The following MYO10 variants were observed in gnomAD, a reference collection of about 807,000 sequenced individuals.
MYO10 encodes unconventional myosin-X.
In MYO10, 133 loss-of-function variants were observed where a neutral mutation model predicts 257.3. That is an observed-to-expected ratio of 0.52 (90% CI 0.45 to 0.60). MYO10 has a LOEUF of 0.60. MYO10 is among the 20% of genes least tolerant of loss of function. The probability of loss-of-function intolerance (pLI) is 0.00; values close to 1 mark genes in which losing one functional copy is unlikely to be tolerated. For synonymous variants in MYO10, 1,104 were observed against 1,028.6 expected (o/e 1.07, Z -1.40); for missense variants, 2,399 against 2,635.7 (o/e 0.91, Z 1.97).
At chr5:16,853,852 C>G (rs1442432383) in intron 2 of MYO10, 1 of 152,342 alleles carries the variant, frequency 6.6e-6, no homozygotes, top group South Asian at 2.1e-4. Flanking sequence ...CTCCTCCTGG[C>G]TACAGAACCC....
intron 1 of MYO10, among the ~76,000 whole-genome samples, chr5:16,893,459 C>T (rs1745126836): frequency 6.6e-6 from 1 of 151,758 alleles, no homozygotes; most frequent in Non-Finnish European, 1.5e-5. Context: ...CATGGCAAGA[C>T]TCCATCTCTA....
At chr5:16,677,986 C>G (rs1441465639) in intron 33 of MYO10, among the ~76,000 whole-genome samples, 1 of 151,966 alleles carries the variant, frequency 6.6e-6, no homozygotes, top group Non-Finnish European at 1.5e-5. Context: ...GTCTCAAACT[C>G]CTGACCTCAG....
At chr5:16,756,554 C>T (rs1383624384) in intron 18 of MYO10, among the ~76,000 whole-genome samples, 1 of 152,112 alleles carries the variant, frequency 6.6e-6, no homozygotes, top group East Asian at 1.9e-4. Flanking sequence ...ATTACTTCTC[C>T]AGCTCAGAAA....
chr5:16,817,939 C>G (rs1742673611), intron 3 of MYO10, 70 bp downstream of exon 3: 1 of 1,231,770 alleles, frequency 8.1e-7, no homozygotes, highest in East Asian at 2.9e-5. Context: ...AAGAAATACT[C>G]TCTGAAAACA....
intron 3 of MYO10, among the ~76,000 whole-genome samples, chr5:16,799,692 A>G (rs1742065249): frequency 6.6e-6 from 1 of 152,020 alleles, no homozygotes; most frequent in South Asian, 2.1e-4. Context: ...GGGATTTCAT[A>G]TATTTTGGCC....
chr5:16,709,740 G>A (rs1339218756), intron 21 of MYO10, among the ~76,000 whole-genome samples: 1 of 152,176 alleles, frequency 6.6e-6, no homozygotes, highest in Non-Finnish European at 1.5e-5. Flanking sequence ...GATACTATGA[G>A]ATAATCAATG....
rs897610735 is a variant in MYO10 at position 16,794,796 on chromosome 5, T to A, written c.317A>T (p.Tyr106Phe). 2 of 1,591,642 alleles carry A rather than the reference T, an allele frequency of 1.3e-6. No homozygotes were observed. Among genetic ancestry groups the A allele is most frequent in the South Asian group, 2.3e-5 (2 of 87,968 alleles). The change falls in exon 4 of 41, where the codon TAC becomes TTC. Residue 106 changes from tyrosine to phenylalanine, a missense_variant. Around this residue, in one of 3 missense-constraint regions of MYO10, gnomAD observed 242 missense variants for 249.5 expected, o/e 0.97. Coordinates refer to ENST00000513610, the MANE Select transcript of MYO10 (RefSeq NM_012334.3). ...IGSILASVNP[Y>F]QPIAGLYEPA... ...CTCGTACAGCCCGGCGATGGGCTGG[T>A]AGGGGTTCACGGAGGCCAGGATGGA... is the stretch of plus-strand genomic sequence containing the variant.
intron 1 of MYO10, among the ~76,000 whole-genome samples, chr5:16,894,781 G>GC (rs1745173495): frequency 6.6e-6 from 1 of 152,204 alleles, no homozygotes; most frequent in African/African-American, 2.4e-5. Context: ...ACTGGAGCCT[G>GC]CGGTGTTGGA....
At chr5:16,753,466 C>A (rs538543667) in intron 19 of MYO10, among the ~76,000 whole-genome samples, 1 of 83,174 alleles carries the variant, frequency 1.2e-5, no homozygotes, top group South Asian at 3.9e-4. Flanking sequence ...CGTGCCCGGC[C>A]TTTTTTTTTT....
At position 16,670,798 on chromosome 5, in the gene MYO10, A is replaced by C; in HGVS notation, c.5611T>G (p.Phe1871Val). 6.2e-7 allele frequency: 1 copy of C among 1,613,942 alleles called. No individual in the cohort carries two copies. The highest frequency in any genetic ancestry group is 1.1e-5 in the South Asian group (1 of 91,082). ...TTCTCCAGCCGTTCACAAGGGGTGA[A>C]GGTTTTGGTTGACTGGCTGATGCGG... ...KARISQSTKT[F>V]TPCERLEKRR... Residue 1871 changes from phenylalanine to valine, a missense_variant, in exon 39 of 41, where the codon TTC (phenylalanine) becomes GTC (valine). Transcript: ENST00000513610.
intron 19 of MYO10, among the ~76,000 whole-genome samples, chr5:16,723,541 A>G (rs1024558281): frequency 5.9e-5 from 9 of 152,220 alleles, no homozygotes; most frequent in Non-Finnish European, 1.2e-4. Context: ...AAAATGGTGC[A>G]GTCAATTTGG....
chr5:16,811,826 C>A (rs889489314), intron 3 of MYO10, among the ~76,000 whole-genome samples: 2 of 152,194 alleles, frequency 1.3e-5, no homozygotes, highest in Non-Finnish European at 2.9e-5. Flanking sequence ...GCTGGGATTA[C>A]AAGCATGAGC....
At chr5:16,858,192 T>C (rs1294040997) in intron 2 of MYO10, among the ~76,000 whole-genome samples, 1 of 152,190 alleles carries the variant, frequency 6.6e-6, no homozygotes, top group Non-Finnish European at 1.5e-5. Context: ...TAAATTTGAA[T>C]TTCACATGAT....
intron 35 of MYO10, among the ~76,000 whole-genome samples, chr5:16,674,096 T>C (rs189133531): frequency 3.3e-5 from 5 of 152,210 alleles, no homozygotes; most frequent in Admixed American, 2.0e-4. Flanking sequence ...AGCCAATGTC[T>C]CACTGGGAGC....
rs557304402 is a variant in MYO10, at chr5:16,681,091, C to T, written c.4384+218G>A. On this transcript the variant is annotated intron_variant, in intron 32 of 40. Coordinates refer to ENST00000513610, the MANE Select transcript of MYO10 (RefSeq NM_012334.3). ...ATCTGTTGACATTTTCTTGTCCTTG[C>T]GAGAATCTTCCTACCACTCCATGAA... Among the ~76,000 whole-genome samples, 16 of 152,276 alleles carry T rather than the reference C, an allele frequency of 1.1e-4. No individual in the cohort carries two copies. In the South Asian group the frequency reaches 2.9e-3, roughly 28 times the overall value.
intron 19 of MYO10, among the ~76,000 whole-genome samples, chr5:16,750,720 G>C (rs1217003846): frequency 6.6e-6 from 1 of 152,176 alleles, no homozygotes; most frequent in Admixed American, 6.5e-5. Context: ...TTCTGACCAG[G>C]CTCAGTGGCT....
chr5:16,672,231 G>A (rs1393433276), intron 37 of MYO10, among the ~76,000 whole-genome samples: 1 of 149,956 alleles, frequency 6.7e-6, no homozygotes, highest in Non-Finnish European at 1.5e-5. Context: ...GAAGGCAGAA[G>A]TTGCAGTGAG....
intron 1 of MYO10, among the ~76,000 whole-genome samples, chr5:16,888,014 C>T (rs1744940983): frequency 6.6e-6 from 1 of 152,112 alleles, no homozygotes; most frequent in South Asian, 2.1e-4. Flanking sequence ...ATTAGTTAAC[C>T]ATCATTATGT....
At position 16,679,986 on chromosome 5, in the gene MYO10, C is replaced by T. The variant is rs1176344740; in HGVS notation, c.4503G>A (p.Pro1501=). The T allele has an allele frequency of 8.7e-6, 14 of 1,613,794 alleles. No homozygotes were observed. Among genetic ancestry groups the T allele is most frequent in the African/African-American group, 1.3e-5 (1 of 75,020 alleles). The change falls in exon 33 of 41, where the codon CCG becomes CCA. Residue 1501 remains proline, a synonymous_variant. Transcript: ENST00000513610. ...TCAGCTGCTGGGTGGGGGTGTCGAT[C>T]GGGGCCTTGGTGTCAGTCACGTTTT... is the stretch of plus-strand genomic sequence containing the variant. ...AIQNVTDTKA[P]IDTPTQQLIQ...
Sources: allele counts gnomAD v4.1 joint callset (sites outside exome capture counted in the v4.1 genomes callset), GRCh38; gene constraint gnomAD v4.1.1; regional missense constraint gnomAD v4.1.1; transcripts MANE v1.5; gene names NCBI Gene and HGNC (gene_info 2026-07-23, HGNC 2026-07-21).